The following NKAIN3 variants were observed in gnomAD, a reference collection of about 807,000 sequenced individuals.
NKAIN3 encodes sodium/potassium transporting ATPase interacting 3.
A neutral mutation model predicts 30.2 loss-of-function variants in NKAIN3; 25 were observed. The observed-to-expected ratio is 0.83, with a 90% CI of 0.60 to 1.16. The LOEUF is 1.16. Ranked by LOEUF, NKAIN3 falls within the 50% of genes most tolerant of loss-of-function variation. The pLI is 0.00. For synonymous variants in NKAIN3, 91 were observed against 89.6 expected (o/e 1.02, Z -0.09); for missense variants, 225 against 254.1 (o/e 0.89, Z 0.78).
intron 3 of NKAIN3, among the ~76,000 whole-genome samples, chr8:62,669,774 C>A (rs1813242228): frequency 6.6e-6 from 1 of 152,248 alleles, no homozygotes; most frequent in South Asian, 2.1e-4. Context: ...CAGAAACCCA[C>A]TGAGTATTTA....
At chr8:62,332,827 G>A (rs570756695) in intron 1 of NKAIN3, among the ~76,000 whole-genome samples, 63 of 152,230 alleles carry the variant, frequency 4.1e-4, no homozygotes, top group Middle Eastern at 3.4e-3. Flanking sequence ...AGGAGTTCAA[G>A]ACCAGCCTGG....
chr8:62,912,705 T>C (rs971593871), intron 4 of NKAIN3, among the ~76,000 whole-genome samples: 1 of 150,558 alleles, frequency 6.6e-6, no homozygotes, highest in Non-Finnish European at 1.5e-5. Flanking sequence ...AGGTCGGGAG[T>C]TCAAGATCAG....
At chr8:62,868,747 A>G (rs1189703893) in intron 4 of NKAIN3, among the ~76,000 whole-genome samples, 1 of 152,206 alleles carries the variant, frequency 6.6e-6, no homozygotes, top group East Asian at 1.9e-4. Flanking sequence ...TGATAAGCTC[A>G]GTTTCTAAAC....
At chr8:62,642,055 G>A (rs1812324947) in intron 3 of NKAIN3, among the ~76,000 whole-genome samples, 1 of 151,956 alleles carries the variant, frequency 6.6e-6, no homozygotes. Flanking sequence ...CAACCGCACT[G>A]CACTCCTGGG....
intron 4 of NKAIN3, among the ~76,000 whole-genome samples, chr8:62,870,683 A>C (rs1426071813): frequency 2.3e-5 from 3 of 132,764 alleles, no homozygotes; most frequent in African/African-American, 9.0e-5. Flanking sequence ...CTATATATCT[A>C]TATCTCTCTA....
At chr8:62,417,602 G>A (rs1467718478) in intron 1 of NKAIN3, among the ~76,000 whole-genome samples, 2 of 152,132 alleles carry the variant, frequency 1.3e-5, no homozygotes, top group African/African-American at 4.8e-5. Flanking sequence ...GTATACAAGA[G>A]TTCTCTTTTT....
intron 1 of NKAIN3, among the ~76,000 whole-genome samples, chr8:62,403,781 CAA>C (rs2129595432): frequency 6.6e-6 from 1 of 152,244 alleles, no homozygotes; most frequent in East Asian, 1.9e-4. Context: ...AGCCCCCACA[CAA>C]AGTCCTCACT....
intron 4 of NKAIN3, among the ~76,000 whole-genome samples, chr8:62,899,200 T>C (rs1470877552): frequency 6.6e-6 from 1 of 152,204 alleles, no homozygotes; most frequent in South Asian, 2.1e-4. Context: ...AAAAGAGAGC[T>C]TCCATACAAT....
At chr8:62,531,230 C>T (rs975404025) in intron 1 of NKAIN3, among the ~76,000 whole-genome samples, 1 of 152,182 alleles carries the variant, frequency 6.6e-6, no homozygotes, top group African/African-American at 2.4e-5. Flanking sequence ...AATGGTACCT[C>T]TCATGTCGTT....
intron 1 of NKAIN3, among the ~76,000 whole-genome samples, chr8:62,487,032 T>A (rs1445608149): frequency 6.6e-6 from 1 of 152,222 alleles, no homozygotes; most frequent in East Asian, 1.9e-4. Context: ...CTTCTCTTTC[T>A]TTCAATGGGG....
intron 3 of NKAIN3, among the ~76,000 whole-genome samples, chr8:62,623,708 T>C (rs1290309766): frequency 6.6e-6 from 1 of 152,038 alleles, no homozygotes; most frequent in African/African-American, 2.4e-5. Flanking sequence ...TAAGAAACGT[T>C]TTATTTCTCC....
intron 4 of NKAIN3, among the ~76,000 whole-genome samples, chr8:62,870,377 C>T (rs564506248): frequency 7.4e-6 from 1 of 134,742 alleles, no homozygotes; most frequent in African/African-American, 2.8e-5. Context: ...TAAATATATA[C>T]ACTATATATG....
At chr8:62,328,641 G>A (rs1815227899) in intron 1 of NKAIN3, among the ~76,000 whole-genome samples, 1 of 151,958 alleles carries the variant, frequency 6.6e-6, no homozygotes, top group Non-Finnish European at 1.5e-5. Flanking sequence ...ACATTTTTAG[G>A]AATCAAATAT....
At chr8:62,583,349 C>G (rs912777191) in intron 2 of NKAIN3, among the ~76,000 whole-genome samples, 2 of 152,180 alleles carry the variant, frequency 1.3e-5, no homozygotes, top group African/African-American at 4.8e-5. Flanking sequence ...TCAACAAGAC[C>G]AACAATCCAT....
intron 3 of NKAIN3, 75 bp downstream of exon 3, chr8:62,589,869 G>C (rs1585983453): frequency 3.2e-6 from 2 of 628,732 alleles, no homozygotes; most frequent in Non-Finnish European, 5.6e-6. Flanking sequence ...TACATATATA[G>C]GTATATTGTG....
intron 6 of NKAIN3, among the ~76,000 whole-genome samples, chr8:62,955,680 C>T (rs571725712): frequency 1.6e-4 from 24 of 152,316 alleles, no homozygotes; most frequent in South Asian, 1.2e-3. Flanking sequence ...AAAAACTTGA[C>T]GCCCATGTAC....
chr8:62,855,581 A>G, intron 4 of NKAIN3: 3 of 1,584,184 alleles, frequency 1.9e-6, no homozygotes, highest in East Asian at 2.2e-5. Context: ...CATTGCTTCA[A>G]CCTTGGGCAA....
At chr8:62,487,095 A>G (rs1806926020) in intron 1 of NKAIN3, among the ~76,000 whole-genome samples, 1 of 152,226 alleles carries the variant, frequency 6.6e-6, no homozygotes, top group African/African-American at 2.4e-5. Flanking sequence ...AGAGTTCACT[A>G]TAATCAAAAT....
chr8:62,290,088 A>AT (rs1309158094), intron 1 of NKAIN3, among the ~76,000 whole-genome samples: 2 of 152,080 alleles, frequency 1.3e-5, no homozygotes, highest in Non-Finnish European at 2.9e-5. Flanking sequence ...TTGCACATTG[A>AT]TTTTGTATCC....
Sources: gnomAD v4.1 joint callset for allele counts (sites outside exome capture counted in the v4.1 genomes callset) on GRCh38, gnomAD v4.1.1 for gene constraint, MANE v1.5 for transcripts, NCBI Gene and HGNC (gene_info 2026-07-23, HGNC 2026-07-21) for gene names.